Variants in PALLD observed in about 807,000 individuals in gnomAD.
The protein encoded by PALLD is palladin, cytoskeletal associated protein, also known as palladin.
Under a neutral mutation model 123.5 loss-of-function variants are expected in PALLD, and 61 were observed. The ratio of observed to expected loss-of-function variants is 0.49; its 90% CI spans 0.40 to 0.61. PALLD has a LOEUF of 0.61. Among genes scored for constraint, PALLD ranks in the 20% least tolerant of loss-of-function variants. The probability of loss-of-function intolerance (pLI) is 0.00; values close to 1 mark genes in which losing one functional copy is unlikely to be tolerated. For missense variants in PALLD, 1,273 were observed against 1,377.0 expected (o/e 0.92, Z 1.20); for synonymous variants, 465 against 496.4 (o/e 0.94, Z 0.84).
intron 10 of PALLD, among the ~76,000 whole-genome samples, chr4:168,775,261 T>C (rs76066167): frequency 0.029 from 4,406 of 152,298 alleles, 161 homozygotes; most frequent in African/African-American, 0.091. Context: ...TAGAATTTCA[T>C]CGTGGTTTTA....
At chr4:168,603,342 C>T (rs1772861338) in intron 2 of PALLD, among the ~76,000 whole-genome samples, 1 of 151,998 alleles carries the variant, frequency 6.6e-6, no homozygotes. Flanking sequence ...ATCTAAAAAT[C>T]TTTATATTGT....
At position 168,512,176 on chromosome 4, in the gene PALLD, G is replaced by A. The variant is rs7671781; in HGVS notation, c.672G>A (p.Met224Ile). The change falls in exon 2 of 22, where the codon ATG (methionine) becomes ATA (isoleucine). Residue 224 changes from methionine (M) to isoleucine (I), a missense_variant. Physicochemically the swap from Met to Ile is conservative, Grantham distance 10. Coordinates refer to ENST00000505667, the MANE Select transcript of PALLD (RefSeq NM_001166108.2). ...LLSASASQSP[M>I]EDQGEMEREV... ...GTGCCTCAGCCAGCCAGAGCCCTAT[G>A]GAAGACCAAGGGGAGATGGAAAGAG... 0.31 allele frequency: 498,539 copies of A among 1,613,202 alleles called. 78,961 individuals are homozygous for A. The highest frequency in any genetic ancestry group is 0.33 in the Non-Finnish European group (384,717 of 1,179,446).
chr4:168,863,113 C>T (rs73864657), intron 10 of PALLD, among the ~76,000 whole-genome samples: 3,809 of 152,218 alleles, frequency 0.025, 164 homozygotes, highest in African/African-American at 0.087. Flanking sequence ...GGTTCTTTTA[C>T]GCCATTACAG....
chr4:168,789,636 A>G (rs575219523), intron 10 of PALLD, among the ~76,000 whole-genome samples: 1 of 151,562 alleles, frequency 6.6e-6, no homozygotes, highest in Non-Finnish European at 1.5e-5. Context: ...ACCAGGAGGC[A>G]GAGGTTGCAG....
intron 17 of PALLD, among the ~76,000 whole-genome samples, chr4:168,918,910 T>G (rs2126395703): frequency 6.6e-6 from 1 of 152,340 alleles, no homozygotes; most frequent in African/African-American, 2.4e-5. Context: ...TTATTAATTT[T>G]ACGTGTAAAA....
rs546998629 is a variant in PALLD, at chr4:168,843,278, G to C, written c.1965-47644G>C. ...GAATTGATACAACCTCTAGACCAGG[G>C]GAACAGAAGAAAGTTTGGCTTGCAA... is the stretch of plus-strand genomic sequence containing the variant. On this transcript the variant is annotated intron_variant, in intron 10 of 21. Transcript: ENST00000505667. Among the ~76,000 whole-genome samples the C allele has an allele frequency of 1.1e-3, 173 of 152,260 alleles. 1 individual carries two copies. Among genetic ancestry groups the C allele is most frequent in the African/African-American group, 3.9e-3 (160 of 41,550 alleles).
chr4:168,667,383 G>GT (rs1299287405), intron 2 of PALLD, among the ~76,000 whole-genome samples: 8 of 152,022 alleles, frequency 5.3e-5, no homozygotes, highest in South Asian at 2.1e-4. Context: ...CCCATTTGGG[G>GT]TTTTTTTAGG....
intron 2 of PALLD, among the ~76,000 whole-genome samples, chr4:168,613,390 C>T (rs995091697): frequency 6.6e-5 from 10 of 152,162 alleles, no homozygotes; most frequent in African/African-American, 1.9e-4. Flanking sequence ...GAGCATGCAC[C>T]GTAATTCTTT....
At chr4:168,516,885 C>T (rs6815614) in intron 2 of PALLD, among the ~76,000 whole-genome samples, 51,629 of 152,118 alleles carry the variant, frequency 0.34, 8,968 homozygotes, top group African/African-American at 0.4. Flanking sequence ...CATGGGTATC[C>T]TTCCCTTTTT....
intron 10 of PALLD, among the ~76,000 whole-genome samples, chr4:168,721,981 TC>T (rs1468497737): frequency 6.6e-6 from 1 of 152,212 alleles, no homozygotes; most frequent in Non-Finnish European, 1.5e-5. Context: ...AAAACTCTTA[TC>T]CCTTTAATTG....
At chr4:168,921,454 A>G (rs910165626) in intron 17 of PALLD, 80 bp from the exon 18 acceptor site, 2 of 948,192 alleles carry the variant, frequency 2.1e-6, no homozygotes, top group African/African-American at 1.6e-5. Context: ...TGAAGGAGGA[A>G]TTTATGCAGA....
Position 168,761,645 on chromosome 4 carries a change from G to GTTTTTTTTTTTTTT in PALLD, c.1964+49740_1964+49753dup, listed in dbSNP as rs70961555. ...CCAGCTATTTTTGTTGTTGTTGTTT[G>GTTTTTTTTTTTTTT]TTTTTTTTTTTTTTTTTTTTTTTTT... is the stretch of plus-strand genomic sequence containing the variant. On this transcript the variant is annotated intron_variant, in intron 10 of 21. Transcript: ENST00000505667. 9.1e-4 allele frequency among the ~76,000 whole-genome samples: 80 copies of GTTTTTTTTTTTTTT among 87,918 alleles called. 7 individuals are homozygous for GTTTTTTTTTTTTTT. Among genetic ancestry groups the GTTTTTTTTTTTTTT allele is most frequent in the African/African-American group, 9.9e-4 (24 of 24,122 alleles). 57.7% of individuals were successfully genotyped at this position (87,918 alleles called of 152,430 possible).
At chr4:168,853,279 AG>A (rs1479399133) in intron 10 of PALLD, among the ~76,000 whole-genome samples, 5 of 152,182 alleles carry the variant, frequency 3.3e-5, no homozygotes, top group Admixed American at 2.0e-4. Context: ...GTTGTTTTAC[AG>A]ATGATCAATG....
chr4:168,546,374 G>A (rs545488072), intron 2 of PALLD, among the ~76,000 whole-genome samples: 1 of 140,020 alleles, frequency 7.1e-6, no homozygotes, highest in Non-Finnish European at 1.5e-5. Flanking sequence ...TATCATTCCA[G>A]CTCCTTAAGC....
intron 2 of PALLD, among the ~76,000 whole-genome samples, chr4:168,626,244 C>CAA (rs1292467320): frequency 1.3e-5 from 2 of 151,534 alleles, no homozygotes; most frequent in Non-Finnish European, 2.9e-5. Context: ...ACTAAAAATA[C>CAA]AAAAGAAATT....
intron 2 of PALLD, among the ~76,000 whole-genome samples, chr4:168,554,947 C>T (rs937755837): frequency 9.2e-5 from 14 of 152,010 alleles, no homozygotes; most frequent in African/African-American, 3.1e-4. Flanking sequence ...AACACTGGAA[C>T]AAAATACATT....
At chr4:168,619,773 G>T (rs1462881663) in intron 2 of PALLD, among the ~76,000 whole-genome samples, 1 of 152,130 alleles carries the variant, frequency 6.6e-6, no homozygotes, top group Non-Finnish European at 1.5e-5. Flanking sequence ...TCTTCTTATT[G>T]CTAGTGAATT....
intron 1 of PALLD, among the ~76,000 whole-genome samples, chr4:168,500,895 G>GTT (rs1362434878): frequency 6.6e-6 from 1 of 152,062 alleles, no homozygotes; most frequent in African/African-American, 2.4e-5. Context: ...AAAAATAAAT[G>GTT]TTTTGCCAAA....
At chr4:168,755,028 C>A (rs190013986) in intron 10 of PALLD, among the ~76,000 whole-genome samples, 1 of 152,136 alleles carries the variant, frequency 6.6e-6, no homozygotes, top group Admixed American at 6.5e-5. Context: ...GTCAGGAGAT[C>A]GAGACCATCC....
Sources: allele counts gnomAD v4.1 joint callset (sites outside exome capture counted in the v4.1 genomes callset), GRCh38; gene constraint gnomAD v4.1.1; transcripts MANE v1.5; gene names NCBI Gene and HGNC (gene_info 2026-07-23, HGNC 2026-07-21).